IL18R1: variants seen among roughly 807,000 people sequenced by gnomAD.
IL18R1 encodes interleukin 18 receptor 1.
IL18R1 carries 40 observed loss-of-function variants against 48.5 expected under a neutral mutation model. The observed-to-expected ratio is 0.82, with a 90% CI of 0.64 to 1.07. The LOEUF is 1.07. Among genes scored for constraint, IL18R1 ranks in the 50% least tolerant of loss-of-function variants. IL18R1 has a pLI of 0.00. For missense variants in IL18R1, 596 were observed against 633.7 expected (o/e 0.94, Z 0.64); for synonymous variants, 232 against 225.9 (o/e 1.03, Z -0.24).
intron 8 of IL18R1, among the ~76,000 whole-genome samples, chr2:102,388,429 G>A (rs1465358335): frequency 2.6e-5 from 4 of 152,178 alleles, no homozygotes; most frequent in Non-Finnish European, 4.4e-5. Context: ...CCTTCTGCAG[G>A]GCTTGTCGCC....
In IL18R1 at chr2:102,375,961, G is replaced by A. The variant is rs776875280; in HGVS notation, c.523G>A (p.Ala175Thr). The part of the protein sequence containing the change: ...NNKNPTIKKN[A>T]EFEDQGYYSC... ...TAAAAACCCAACGATAAAGAAGAAC[G>A]CCGAGTTTGAAGATCAGGGGTATTA... is the stretch of plus-strand genomic sequence containing the variant. Residue 175 changes from alanine (A) to threonine (T), a missense_variant, in exon 5 of 11, where the codon GCC (alanine) becomes ACC (threonine). By Grantham distance (58) the Ala-to-Thr change is moderately conservative. Around this residue, in one of 3 missense-constraint regions of IL18R1, gnomAD observed 360 missense variants for 339.4 expected, o/e 1.06. Coordinates refer to ENST00000233957, the MANE Select transcript of IL18R1 (RefSeq NM_003855.5). 1.1e-5 allele frequency: 17 copies of A among 1,605,904 alleles called. No individual in the cohort carries two copies. The highest frequency in any genetic ancestry group is 1.7e-4 in the Middle Eastern group (1 of 6,048).
Position 102,365,765 on chromosome 2 carries a change from A to T in IL18R1, c.59-2060A>T, listed in dbSNP as rs182983537. On this transcript the variant is annotated intron_variant, in intron 2 of 10. Coordinates refer to ENST00000233957, the MANE Select transcript of IL18R1 (RefSeq NM_003855.5). ...TCTGAAACCTAGGCGTAGGTTCCCA[A>T]ACCTCAATTCTTGACTTTTGTGCAC... Among the ~76,000 whole-genome samples the T allele has an allele frequency of 1.8e-3, 270 of 152,304 alleles. 3 individuals are homozygous for T. Among genetic ancestry groups the T allele is most frequent in the African/African-American group, 5.8e-3 (243 of 41,546 alleles).
At chr2:102,358,211 CT>C (rs1378559090) in intron 1 of IL18R1, among the ~76,000 whole-genome samples, 1 of 152,118 alleles carries the variant, frequency 6.6e-6, no homozygotes, top group Non-Finnish European at 1.5e-5. Flanking sequence ...GGCTCTTTCC[CT>C]GTACATTATG....
At chr2:102,396,426 G>T in intron 10 of IL18R1, 105 bp from the exon 11 acceptor site, 1 of 595,944 alleles carries the variant, frequency 1.7e-6, no homozygotes, top group Non-Finnish European at 2.9e-6. Context: ...AAACTTATTA[G>T]TGAGGTTAGG....
chr2:102,380,024 G>A (rs907528040), intron 5 of IL18R1, among the ~76,000 whole-genome samples: 4 of 152,306 alleles, frequency 2.6e-5, no homozygotes, highest in South Asian at 2.1e-4. Flanking sequence ...GCTTGTGCTC[G>A]TGAATCACAG....
At position 102,355,996 on chromosome 2, in the gene IL18R1, T is replaced by A. The variant is rs1359376576; in HGVS notation, c.-433T>A. Reference sequence around the variant, plus strand: ...TGCGAGGAGCACCCGGACCGGAGGGTCCCCAGACCGGGACCTCCGAGTCAG... The same window carrying A: ...TGCGAGGAGCACCCGGACCGGAGGGACCCCAGACCGGGACCTCCGAGTCAG... On this transcript the variant is annotated 5_prime_UTR_variant, in exon 1 of 11. Transcript: ENST00000233957. 4 of 151,754 alleles carry A rather than the reference T, an allele frequency of 2.6e-5. No homozygotes were observed. Among genetic ancestry groups the A allele is most frequent in the East Asian group, 3.9e-4 (2 of 5,108 alleles). 9.4% of individuals were successfully genotyped at this position (151,754 alleles called of 1,614,324 possible).
Position 102,388,880 on chromosome 2 carries a change from C to T in IL18R1, c.950-1176C>T, listed in dbSNP as rs532784376. ...GGAAAGATAATTTTTAAAAATTGCA[C>T]CAAGATGGCAAAAGTTTTAAGCACG... On this transcript the variant is annotated intron_variant, in intron 8 of 10. Transcript: ENST00000233957. Among the ~76,000 whole-genome samples the T allele has an allele frequency of 3.9e-5, 6 of 152,206 alleles. No individual in the cohort carries two copies. The South Asian group carries it at 6.2e-4, about 16-fold the overall frequency.
At chr2:102,375,842 T>G in intron 4 of IL18R1, 65 bp from the exon 5 acceptor site, 1 of 1,089,186 alleles carries the variant, frequency 9.2e-7, no homozygotes, top group Non-Finnish European at 1.2e-6. Context: ...ACTCAAAAAT[T>G]TGGATCACTG....
chr2:102,375,599 C>T (rs1196991138), intron 4 of IL18R1, among the ~76,000 whole-genome samples: 1 of 152,116 alleles, frequency 6.6e-6, no homozygotes, highest in Non-Finnish European at 1.5e-5. Flanking sequence ...CTCGCTGTTT[C>T]TCTCTCTCTG....
At chr2:102,390,945 A>C (rs966851030) in intron 9 of IL18R1, among the ~76,000 whole-genome samples, 4 of 150,792 alleles carry the variant, frequency 2.7e-5, no homozygotes, top group African/African-American at 9.7e-5. Context: ...AAAAAAAAAA[A>C]AAAAAGAGAG....
chr2:102,363,245 G>A (rs563544872), intron 2 of IL18R1, among the ~76,000 whole-genome samples: 35 of 151,482 alleles, frequency 2.3e-4, no homozygotes, highest in African/African-American at 7.8e-4. Context: ...ATTCTTTAGC[G>A]TTCCATGATT....
intron 6 of IL18R1, among the ~76,000 whole-genome samples, chr2:102,382,129 C>G (rs1679956464): frequency 6.6e-6 from 1 of 151,964 alleles, no homozygotes; most frequent in African/African-American, 2.4e-5. Flanking sequence ...AAAAATTAGC[C>G]AGGCATGGTG....
At chr2:102,372,192 T>C (rs1679306049) in intron 4 of IL18R1, 74 bp downstream of exon 4, 2 of 1,245,598 alleles carry the variant, frequency 1.6e-6, no homozygotes, top group Non-Finnish European at 2.2e-6. Flanking sequence ...GGCTGAGAGC[T>C]ACCATTCTGG....
chr2:102,386,817 G>T (rs767166067), intron 7 of IL18R1, 44 bp from the exon 8 acceptor site: 49 of 1,603,292 alleles, frequency 3.1e-5, no homozygotes, highest in Non-Finnish European at 1.5e-5. Context: ...CCTCTCAAGG[G>T]TAACGAACAG....
At chr2:102,383,215 T>C (rs559195845) in intron 6 of IL18R1, among the ~76,000 whole-genome samples, 43 of 152,252 alleles carry the variant, frequency 2.8e-4, no homozygotes, top group Non-Finnish European at 5.4e-4. Flanking sequence ...CAGTATGGTA[T>C]ATCTTGCTGA....
Position 102,396,717 on chromosome 2 carries a change from C to T in IL18R1, c.1457C>T (p.Pro486Leu), listed in dbSNP as rs1680843944. Residue 486 changes from proline to leucine, a missense_variant, in exon 11 of 11, where the codon CCC becomes CTC. Physicochemically the swap from Pro to Leu is moderately conservative, Grantham distance 98. This residue lies in a region of IL18R1 where 179 missense variants were observed against 206.1 expected (regional missense o/e 0.87). Transcript: ENST00000233957. ...CCTGTTACTGACTTCACATTCTTGC[C>T]CCAATCACTAAAGCTTTTGAAATCT... ...FTPVTDFTFL[P>L]QSLKLLKSHR... 2 of 1,613,916 alleles carry T rather than the reference C, an allele frequency of 1.2e-6. No individual in the cohort carries two copies. Among genetic ancestry groups the T allele is most frequent in the African/African-American group, 2.7e-5 (2 of 74,900 alleles).
At position 102,377,240 on chromosome 2, in the gene IL18R1, G is replaced by C. The variant is rs11465628; in HGVS notation, c.625+1177G>C. ...AATTATCCCAAGTTTAGTGTCTTCG[G>C]TAAAATCAAGGTTTTGCCAGAATTG... On this transcript the variant is annotated intron_variant, in intron 5 of 10. Transcript: ENST00000233957. 3.9e-3 allele frequency among the ~76,000 whole-genome samples: 595 copies of C among 152,316 alleles called. 2 individuals are homozygous for C. Among genetic ancestry groups the C allele is most frequent in the African/African-American group, 0.013 (556 of 41,580 alleles).
rs945262788 is a variant in IL18R1 at position 102,396,784 on chromosome 2, T to C, written c.1524T>C (p.Tyr508=). ...LKWKADKSLS[Y]NSRFWKNLLY... ...GGAAGGCCGATAAATCTCTTTCTTA[T>C]AACTCAAGGTTCTGGAAGAACCTTC... Residue 508 remains tyrosine (Y), a synonymous_variant, in exon 11 of 11, where the codon TAT becomes TAC. Coordinates refer to ENST00000233957, the MANE Select transcript of IL18R1 (RefSeq NM_003855.5). 6.2e-7 allele frequency: 1 copy of C among 1,614,096 alleles called. No individual in the cohort carries two copies. The highest frequency in any genetic ancestry group is 8.5e-7 in the Non-Finnish European group (1 of 1,179,912).
At chr2:102,394,123 G>A (rs142268185) in intron 9 of IL18R1, among the ~76,000 whole-genome samples, 1 of 152,170 alleles carries the variant, frequency 6.6e-6, no homozygotes, top group East Asian at 1.9e-4. Flanking sequence ...AATGATATGA[G>A]TAAACCAGGG....
Sources: gnomAD v4.1 joint callset for allele counts (sites outside exome capture counted in the v4.1 genomes callset) on GRCh38, gnomAD v4.1.1 for gene constraint, gnomAD v4.1.1 regional missense constraint, MANE v1.5 for transcripts, NCBI Gene and HGNC (gene_info 2026-07-23, HGNC 2026-07-21) for gene names.